The following MATN2 variants were observed in gnomAD, a reference collection of about 807,000 sequenced individuals.
MATN2 encodes the protein matrilin-2.
MATN2 carries 69 observed loss-of-function variants against 103.2 expected under a neutral mutation model. The observed-to-expected ratio is 0.67, with a 90% confidence interval of 0.55 to 0.82. The LOEUF (loss-of-function observed/expected upper bound fraction) is 0.82. Among genes scored for constraint, MATN2 ranks in the 40% least tolerant of loss-of-function variants. The pLI is 0.00. For synonymous variants in MATN2, 429 were observed against 450.2 expected (o/e 0.95, Z 0.60); for missense variants, 1,023 against 1,211.5 (o/e 0.84, Z 2.31).
At chr8:98,034,301 G>A (rs992290072) in intron 18 of MATN2, 4 of 414,038 alleles carry the variant, frequency 9.7e-6, no homozygotes, top group African/African-American at 2.1e-5. Context: ...AAGAGGATTC[G>A]GTGCTTTTAC....
chr8:97,953,263 C>A (rs1164013027), intron 4 of MATN2, among the ~76,000 whole-genome samples: 1 of 152,036 alleles, frequency 6.6e-6, no homozygotes, highest in Non-Finnish European at 1.5e-5. Flanking sequence ...GGGATGTGAG[C>A]AAAATTTGGT....
At chr8:97,910,026 G>A (rs777110156) in intron 2 of MATN2, among the ~76,000 whole-genome samples, 5 of 150,634 alleles carry the variant, frequency 3.3e-5, no homozygotes, top group South Asian at 2.1e-4. Context: ...CTCGTGATCC[G>A]CTCACCTCGG....
In MATN2 at chr8:98,018,057, C is replaced by A. The variant is rs749704283; in HGVS notation, c.1760C>A (p.Ser587Ter). Residue 587 changes from serine to a stop codon, truncating the protein, a stop_gained, in exon 12 of 19, where the codon TCA (serine) becomes TAA (stop). Coordinates refer to ENST00000254898, the MANE Select transcript of MATN2 (RefSeq NM_002380.5). LOFTEE classifies it high-confidence loss of function. ...CACATTTGTGTGAACAGTGATGACT[C>A]ATACACGTGCGAGTGCTTGGAGGGA... ...CEHICVNSDDSYTCECLEGFR... is the reference protein window; with the variant it reads ...CEHICVNSDD 1.2e-6 allele frequency: 2 copies of A among 1,613,828 alleles called. No homozygotes were observed. Among genetic ancestry groups the A allele is most frequent in the African/African-American group, 2.7e-5 (2 of 74,928 alleles).
At chr8:97,941,629 TG>T in intron 3 of MATN2, 147 bp from the exon 4 acceptor site, 1 of 774,248 alleles carries the variant, frequency 1.3e-6, no homozygotes, top group Non-Finnish European at 2.1e-6. Flanking sequence ...CACCTTGGAC[TG>T]TGAGCCCCCT....
At chr8:97,892,023 G>A (rs1818650095) in intron 2 of MATN2, among the ~76,000 whole-genome samples, 1 of 152,022 alleles carries the variant, frequency 6.6e-6, no homozygotes, top group Non-Finnish European at 1.5e-5. Flanking sequence ...GATCACTTGA[G>A]GTCAGGAGTT....
chr8:97,914,298 A>G (rs976146104), intron 2 of MATN2, among the ~76,000 whole-genome samples: 7 of 151,412 alleles, frequency 4.6e-5, no homozygotes, highest in Non-Finnish European at 1.5e-5. Context: ...TAAGCCTAAA[A>G]TAGGAAGGGC....
At chr8:98,034,220 A>T in intron 18 of MATN2, 1 of 455,912 alleles carries the variant, frequency 2.2e-6, no homozygotes, top group South Asian at 1.6e-5. Context: ...CACTCCACCA[A>T]GGGAACAGCA....
intron 2 of MATN2, among the ~76,000 whole-genome samples, chr8:97,891,397 G>T (rs1380998881): frequency 2.0e-5 from 3 of 152,018 alleles, no homozygotes; most frequent in African/African-American, 7.2e-5. Context: ...GAGTGCAGTG[G>T]CATGATCATG....
intron 1 of MATN2, among the ~76,000 whole-genome samples, chr8:97,883,209 C>T (rs1818309682): frequency 6.6e-6 from 1 of 150,944 alleles, no homozygotes; most frequent in Non-Finnish European, 1.5e-5. Context: ...CGCTTGAACC[C>T]AGGAGGCGGA....
At chr8:97,901,556 A>G (rs1416815446) in intron 2 of MATN2, among the ~76,000 whole-genome samples, 1 of 152,070 alleles carries the variant, frequency 6.6e-6, no homozygotes, top group African/African-American at 2.4e-5. Context: ...CCCGGCCCTG[A>G]TATACTATTT....
In MATN2 at chr8:97,922,742, C is replaced by T. The variant is rs150407785; in HGVS notation, c.143-8211C>T. On this transcript the variant is annotated intron_variant, in intron 2 of 18. Transcript: ENST00000254898. ...AGTCAACCATTCCCTCTCTCCTCTA[C>T]CAAAAGGTAGTCAACCACTCCCTCA... 9.8e-5 allele frequency among the ~76,000 whole-genome samples: 15 copies of T among 152,302 alleles called. No homozygotes were observed. In the East Asian group the frequency reaches 2.9e-3, roughly 29 times the overall value.
At chr8:97,988,152 C>CAAAAAAAAAAAAAAAA (rs869146483) in intron 6 of MATN2, among the ~76,000 whole-genome samples, 3 of 65,868 alleles carry the variant, frequency 4.6e-5, no homozygotes, top group African/African-American at 2.4e-4. Flanking sequence ...CCATCTCCAC[C>CAAAAAAAAAAAAAAAA]AAAAAAAAAA....
At chr8:97,935,145 A>G (rs749787458) in intron 3 of MATN2, among the ~76,000 whole-genome samples, 10 of 152,082 alleles carry the variant, frequency 6.6e-5, no homozygotes, top group Non-Finnish European at 1.3e-4. Flanking sequence ...GCTGGCCTCG[A>G]ACTCCTGGGC....
At chr8:97,976,164 G>T (rs1811829815) in intron 5 of MATN2, among the ~76,000 whole-genome samples, 1 of 149,612 alleles carries the variant, frequency 6.7e-6, no homozygotes, top group South Asian at 2.1e-4. Flanking sequence ...TTGCTCTGTT[G>T]CCTGGGCTGG....
intron 2 of MATN2, among the ~76,000 whole-genome samples, chr8:97,907,307 G>T (rs1819207082): frequency 1.0e-5 from 1 of 99,366 alleles, no homozygotes. Flanking sequence ...AGTCATCATA[G>T]CTCACTTTTT....
In MATN2 at chr8:97,994,556, C is replaced by T; in HGVS notation, c.1158C>T (p.His386=). ...ACACAGATGATTCCTATTCCTGCCA[C>T]TGCCTGAAAGGCTTTACCCTGAATC... ...CVNTDDSYSC[H]CLKGFTLNPD... The change falls in exon 7 of 19, where the codon CAC becomes CAT. Residue 386 remains histidine, a synonymous_variant. Coordinates refer to ENST00000254898, the MANE Select transcript of MATN2 (RefSeq NM_002380.5). The T allele has an allele frequency of 6.2e-7, 1 of 1,613,790 alleles. No homozygotes were observed. The highest frequency in any genetic ancestry group is 1.1e-5 in the South Asian group (1 of 91,032).
chr8:97,935,346 C>T (rs768786213), intron 3 of MATN2, among the ~76,000 whole-genome samples: 7 of 152,190 alleles, frequency 4.6e-5, no homozygotes, highest in Non-Finnish European at 1.0e-4. Flanking sequence ...TGTGTTGTTT[C>T]AGGCTATTAG....
At chr8:97,873,524 G>T (rs946455522) in intron 1 of MATN2, among the ~76,000 whole-genome samples, 1 of 151,948 alleles carries the variant, frequency 6.6e-6, no homozygotes, top group South Asian at 2.1e-4. Flanking sequence ...TAGAGACAGG[G>T]TTTCACCATG....
At chr8:98,010,922 G>A (rs548275485) in intron 10 of MATN2, among the ~76,000 whole-genome samples, 1 of 152,348 alleles carries the variant, frequency 6.6e-6, no homozygotes, top group East Asian at 1.9e-4. Flanking sequence ...AGGCCTAGGC[G>A]AGGCTAGGGG....
Sources: gnomAD v4.1 joint callset for allele counts (sites outside exome capture counted in the v4.1 genomes callset) on GRCh38, gnomAD v4.1.1 for gene constraint, MANE v1.5 for transcripts, NCBI Gene and HGNC (gene_info 2026-07-23, HGNC 2026-07-21) for gene names.